CCDC171: variants seen among roughly 807,000 people sequenced by gnomAD.
CCDC171 encodes the protein coiled-coil domain containing 171, also known as coiled-coil domain-containing protein 171.
Under a neutral mutation model 168.2 loss-of-function variants are expected in CCDC171, and 177 were observed. That is an observed-to-expected ratio of 1.05 (90% CI 0.93 to 1.19). CCDC171 has a LOEUF of 1.19. Among genes scored for constraint, CCDC171 ranks in the 50% most tolerant of loss-of-function variants. CCDC171 has a pLI of 0.00. For missense variants in CCDC171, 1,991 were observed against 1,539.0 expected (o/e 1.29, Z -4.91); for synonymous variants, 687 against 540.8 (o/e 1.27, Z -3.75).
chr9:15,596,110 T>C (rs1256190355), intron 6 of CCDC171, among the ~76,000 whole-genome samples: 1 of 152,340 alleles, frequency 6.6e-6, no homozygotes, highest in East Asian at 1.9e-4. Context: ...TTCACTCTGA[T>C]GGTAGTTTCT....
chr9:15,632,247 A>G (rs10810414), intron 7 of CCDC171, among the ~76,000 whole-genome samples: 51,581 of 137,654 alleles, frequency 0.37, 11,515 homozygotes, highest in East Asian at 0.75. Context: ...GTTTGCAGAC[A>G]ACATGATTGT....
chr9:15,686,432 G>A lies in CCDC171; in HGVS notation c.1215+7536G>A, dbSNP rs187030443. Among the ~76,000 whole-genome samples the A allele has an allele frequency of 2.6e-4, 40 of 151,926 alleles. No homozygotes were observed. In the East Asian group the frequency reaches 5.2e-3, roughly 20 times the overall value. On this transcript the variant is annotated intron_variant, in intron 10 of 25. Coordinates refer to ENST00000380701, the MANE Select transcript of CCDC171 (RefSeq NM_173550.4). The stretch of plus-strand genomic sequence containing the variant: ...ATAATATATGTATCGGGAGAATGGC[G>A]TGAACCCGGGAGGCAGAGCTTGTAG...
chr9:15,801,441 CT>C (rs2058815783), intron 21 of CCDC171, among the ~76,000 whole-genome samples: 1 of 151,956 alleles, frequency 6.6e-6, no homozygotes, highest in South Asian at 2.1e-4. Context: ...TATGGAAATA[CT>C]ACTGAATTTT....
intron 21 of CCDC171, among the ~76,000 whole-genome samples, chr9:15,813,816 T>A (rs1470435358): frequency 1.3e-5 from 2 of 152,180 alleles, no homozygotes; most frequent in African/African-American, 4.8e-5. Context: ...AATACTGTAG[T>A]TTTGAATAAG....
At chr9:16,020,728 G>A (rs1420905093) in exon 4 of CCDC171, 1 of 154,386 alleles carries the variant, frequency 6.5e-6, no homozygotes, top group African/African-American at 2.4e-5. Context: ...CCTGGACGAA[G>A]GGAGGATTCA....
rs55976539 is a variant in CCDC171, at chr9:15,642,343, G to GTATATA, written c.823-14748_823-14743dup. Among the ~76,000 whole-genome samples the GTATATA allele has an allele frequency of 3.3e-3, 349 of 107,186 alleles. 1 individual carries two copies. Among genetic ancestry groups the GTATATA allele is most frequent in the African/African-American group, 4.3e-3 (85 of 19,788 alleles). 70.3% of individuals were successfully genotyped at this position (107,186 alleles called of 152,430 possible). ...TATATATATATACACGTGTGTGTGT[G>GTATATA]TATATATATATATATATATATATAT... On this transcript the variant is annotated intron_variant, in intron 7 of 25. Coordinates refer to ENST00000380701, the MANE Select transcript of CCDC171 (RefSeq NM_173550.4).
intron 21 of CCDC171, among the ~76,000 whole-genome samples, chr9:15,820,365 G>A (rs11536663): frequency 0.89 from 98,644 of 111,462 alleles, 46,858 homozygotes; most frequent in East Asian, 0.97. Flanking sequence ...GGAAATAGAG[G>A]CACAAAAAAC....
At chr9:15,747,424 G>A (rs964591848) in intron 18 of CCDC171, among the ~76,000 whole-genome samples, 47 of 152,178 alleles carry the variant, frequency 3.1e-4, no homozygotes, top group African/African-American at 1.0e-3. Context: ...GCATCCTCAA[G>A]TGGGTCCCTG....
intron 24 of CCDC171, among the ~76,000 whole-genome samples, chr9:15,915,107 A>G (rs542958034): frequency 3.2e-4 from 49 of 152,196 alleles, no homozygotes; most frequent in African/African-American, 9.9e-4. Context: ...CTTGCCAGGA[A>G]TCCTCTATTT....
At chr9:15,758,269 A>G (rs7025247) in intron 18 of CCDC171, among the ~76,000 whole-genome samples, 144,116 of 152,280 alleles carry the variant, frequency 0.95, 68,237 homozygotes, top group East Asian at 1. Context: ...TTGCATCAGC[A>G]TGACCTGGAT....
At chr9:15,559,834 C>A (rs2039128081) in intron 1 of CCDC171, among the ~76,000 whole-genome samples, 2 of 152,066 alleles carry the variant, frequency 1.3e-5, no homozygotes, top group South Asian at 4.1e-4. Flanking sequence ...GCTCGATGGT[C>A]TTTACAATTT....
At chr9:15,963,966 A>G (rs1156633289) in intron 25 of CCDC171, among the ~76,000 whole-genome samples, 1 of 152,222 alleles carries the variant, frequency 6.6e-6, no homozygotes, top group Non-Finnish European at 1.5e-5. Context: ...AAACGGAAGC[A>G]GTGCCTCCTT....
chr9:16,073,818 G>A, the CCDC171 span, among the ~76,000 whole-genome samples: 2 of 152,172 alleles, frequency 1.3e-5, no homozygotes, highest in Non-Finnish European at 2.9e-5. Context: ...CATTGGAGTT[G>A]TCAGTTTCTG....
At chr9:16,004,170 C>T (rs980400497) in intron 3 of CCDC171, among the ~76,000 whole-genome samples, 1 of 151,946 alleles carries the variant, frequency 6.6e-6, no homozygotes, top group African/African-American at 2.4e-5. Context: ...CCATATCTGT[C>T]CAGTTTGCCT....
chr9:15,657,598 T>C lies in CCDC171; in HGVS notation c.915+379T>C, dbSNP rs150041620. The stretch of plus-strand genomic sequence containing the variant: ...TTTCTTTTTGAGAACGTTGAAAAAA[T>C]GTGCATGTTATTTATTGAGTGCATA... On this transcript the variant is annotated intron_variant, in intron 8 of 25. Coordinates refer to ENST00000380701, the MANE Select transcript of CCDC171 (RefSeq NM_173550.4). Among the ~76,000 whole-genome samples the C allele has an allele frequency of 4.7e-4, 71 of 152,278 alleles. 1 individual carries two copies. The highest frequency in any genetic ancestry group is 1.6e-3 in the African/African-American group (67 of 41,550).
At chr9:15,635,430 T>C (rs1382616609) in intron 7 of CCDC171, among the ~76,000 whole-genome samples, 1 of 152,138 alleles carries the variant, frequency 6.6e-6, no homozygotes, top group Non-Finnish European at 1.5e-5. Flanking sequence ...ATTGAAGAAC[T>C]TGGAGTCTGA....
At chr9:15,932,060 C>T (rs1564019973) in intron 25 of CCDC171, among the ~76,000 whole-genome samples, 1 of 151,854 alleles carries the variant, frequency 6.6e-6, no homozygotes, top group Non-Finnish European at 1.5e-5. Flanking sequence ...GTTTCATTTG[C>T]TCAGGATTGT....
intron 6 of CCDC171, among the ~76,000 whole-genome samples, chr9:15,597,966 G>C (rs1322688673): frequency 6.6e-6 from 1 of 152,128 alleles, no homozygotes; most frequent in African/African-American, 2.4e-5. Context: ...ATGGTAGTCT[G>C]TATTTTTGTG....
At chr9:15,683,828 T>C (rs1461833714) in intron 10 of CCDC171, among the ~76,000 whole-genome samples, 1 of 152,118 alleles carries the variant, frequency 6.6e-6, no homozygotes, top group Non-Finnish European at 1.5e-5. Context: ...GCGAGAGAGA[T>C]GTTTATATGT....
Sources: gnomAD v4.1 joint callset for allele counts (sites outside exome capture counted in the v4.1 genomes callset) on GRCh38, gnomAD v4.1.1 for gene constraint, MANE v1.5 for transcripts, NCBI Gene and HGNC (gene_info 2026-07-23, HGNC 2026-07-21) for gene names.